Variants in EPB41L4B observed in about 807,000 individuals in gnomAD.
EPB41L4B encodes band 4.1-like protein 4B.
EPB41L4B carries 30 observed loss-of-function variants against 112.5 expected under a neutral mutation model. That is an observed-to-expected ratio of 0.27 (90% confidence interval 0.20 to 0.36). EPB41L4B has a LOEUF of 0.36. Ranked by LOEUF, EPB41L4B falls within the 10% of genes least tolerant of loss-of-function variation. The pLI, the probability that EPB41L4B is intolerant of heterozygous loss-of-function variation, is 1.00. For missense variants in EPB41L4B, 1,024 were observed against 1,133.3 expected (o/e 0.90, Z 1.38); for synonymous variants, 408 against 439.7 (o/e 0.93, Z 0.90).
intron 2 of EPB41L4B, among the ~76,000 whole-genome samples, chr9:109,277,230 G>C (rs938641320): frequency 2.7e-5 from 4 of 148,508 alleles, no homozygotes; most frequent in African/African-American, 1.0e-4. Context: ...TGGGGACAGA[G>C]AGAACCCTAA....
intron 2 of EPB41L4B, among the ~76,000 whole-genome samples, chr9:109,276,103 A>G (rs1244468712): frequency 6.7e-6 from 1 of 148,204 alleles, no homozygotes; most frequent in Non-Finnish European, 1.5e-5. Context: ...ATATATGTGT[A>G]TCTATATACA....
intron 1 of EPB41L4B, 24 bp downstream of exon 1, chr9:109,320,117 C>A: frequency 7.0e-7 from 1 of 1,423,100 alleles, no homozygotes. Context: ...GGTGCCAGTG[C>A]CCCAGACTGG....
At chr9:109,265,441 G>GT (rs1404786724) in intron 4 of EPB41L4B, among the ~76,000 whole-genome samples, 2 of 152,284 alleles carry the variant, frequency 1.3e-5, no homozygotes, top group African/African-American at 4.8e-5. Flanking sequence ...GCGGTGGATT[G>GT]TAACAAAAAG....
intron 14 of EPB41L4B, among the ~76,000 whole-genome samples, chr9:109,244,468 C>T (rs1214306217): frequency 7.7e-4 from 73 of 94,360 alleles, no homozygotes; most frequent in Non-Finnish European, 1.1e-3. Flanking sequence ...TTTTTTTTTA[C>T]AGAGTCTCAC....
intron 2 of EPB41L4B, among the ~76,000 whole-genome samples, 186 bp downstream of exon 2, chr9:109,279,631 G>A (rs952824028): frequency 5.3e-5 from 8 of 152,170 alleles, no homozygotes; most frequent in Non-Finnish European, 1.2e-4. Flanking sequence ...CACCTCAAGG[G>A]TGAGGCATCC....
rs117795174 is a variant in EPB41L4B at position 109,266,933 on chromosome 9, C to T, written c.533+540G>A. Among the ~76,000 whole-genome samples the T allele has an allele frequency of 7.3e-3, 977 of 133,636 alleles. 18 individuals carry two copies. In the East Asian group the frequency reaches 0.1, roughly 14 times the overall value. 87.7% of individuals were successfully genotyped at this position (133,636 alleles called of 152,430 possible). ...GCAGTGACCCAAGATCATGCCACTG[C>T]ACTCCAACCTAGGCAACACAGCAAG... is the stretch of plus-strand genomic sequence containing the variant. On this transcript the variant is annotated intron_variant, in intron 4 of 25. Transcript: ENST00000374566.
At chr9:109,281,714 AAATAAATAAATTAATTAATT>A (rs1356583348) in intron 1 of EPB41L4B, among the ~76,000 whole-genome samples, 1 of 124,806 alleles carries the variant, frequency 8.0e-6, no homozygotes, top group South Asian at 2.7e-4. Flanking sequence ...ATAAATAAAT[AAATAAATAAATTAATTAATT>A]AATTTTAAAA....
At chr9:109,222,935 G>A (rs1833638004) in intron 15 of EPB41L4B, among the ~76,000 whole-genome samples, 1 of 152,086 alleles carries the variant, frequency 6.6e-6, no homozygotes. Context: ...TTTTCTCAGG[G>A]GAAGACCCAG....
At chr9:109,224,478 C>T (rs900975093) in intron 15 of EPB41L4B, among the ~76,000 whole-genome samples, 1 of 152,072 alleles carries the variant, frequency 6.6e-6, no homozygotes, top group Non-Finnish European at 1.5e-5. Flanking sequence ...TTATATAAAA[C>T]ATCTAGAATA....
intron 18 of EPB41L4B, among the ~76,000 whole-genome samples, chr9:109,205,031 T>C (rs1832949685): frequency 6.6e-6 from 1 of 152,326 alleles, no homozygotes; most frequent in South Asian, 2.1e-4. Context: ...GTTCTACAGA[T>C]AACAGTAGGA....
At chr9:109,228,628 G>C (rs1833860322) in intron 15 of EPB41L4B, among the ~76,000 whole-genome samples, 1 of 152,062 alleles carries the variant, frequency 6.6e-6, no homozygotes, top group African/African-American at 2.4e-5. Flanking sequence ...TAGCTTCCTT[G>C]TTGAAAAAGA....
At chr9:109,206,152 T>A (rs1832985470) in intron 18 of EPB41L4B, among the ~76,000 whole-genome samples, 1 of 152,170 alleles carries the variant, frequency 6.6e-6, no homozygotes, top group Non-Finnish European at 1.5e-5. Flanking sequence ...TTTTTAAAAT[T>A]TATTTCTTAT....
chr9:109,234,602 C>G (rs1464893268), intron 15 of EPB41L4B, among the ~76,000 whole-genome samples: 1 of 152,200 alleles, frequency 6.6e-6, no homozygotes, highest in Non-Finnish European at 1.5e-5. Context: ...CAGTAGCTCT[C>G]CCCTGTAAAC....
chr9:109,208,355 A>G (rs1000883861), intron 17 of EPB41L4B, among the ~76,000 whole-genome samples: 3 of 152,204 alleles, frequency 2.0e-5, no homozygotes, highest in African/African-American at 7.2e-5. Flanking sequence ...TCCTGGTTCA[A>G]GTCTCCTAAC....
intron 20 of EPB41L4B, among the ~76,000 whole-genome samples, chr9:109,198,265 C>T (rs1564259294): frequency 6.6e-6 from 1 of 152,104 alleles, no homozygotes; most frequent in Non-Finnish European, 1.5e-5. Context: ...CTCTGGGTAC[C>T]CCCTAAACTC....
At chr9:109,264,091 T>C (rs1049220190) in intron 5 of EPB41L4B, among the ~76,000 whole-genome samples, 1 of 151,986 alleles carries the variant, frequency 6.6e-6, no homozygotes, top group Admixed American at 6.6e-5. Flanking sequence ...CACACACTCA[T>C]AATACACACA....
chr9:109,314,564 G>C (rs1292493244), intron 1 of EPB41L4B, among the ~76,000 whole-genome samples: 1 of 151,534 alleles, frequency 6.6e-6, no homozygotes, highest in Non-Finnish European at 1.5e-5. Context: ...AGCAAGTATA[G>C]AAGGGGAGTT....
chr9:109,227,121 A>G (rs1435112253), intron 15 of EPB41L4B, among the ~76,000 whole-genome samples: 1 of 152,122 alleles, frequency 6.6e-6, no homozygotes, highest in Non-Finnish European at 1.5e-5. Flanking sequence ...TACAGGCATG[A>G]GCCTCTGTGC....
intron 1 of EPB41L4B, among the ~76,000 whole-genome samples, chr9:109,309,056 C>G (rs969148676): frequency 7.9e-5 from 12 of 151,512 alleles, no homozygotes; most frequent in Admixed American, 7.9e-4. Context: ...GCCTAGGTGA[C>G]GAAGCGAGAT....
Sources: allele counts gnomAD v4.1 joint callset (sites outside exome capture counted in the v4.1 genomes callset), GRCh38; gene constraint gnomAD v4.1.1; transcripts MANE v1.5; gene names NCBI Gene and HGNC (gene_info 2026-07-23, HGNC 2026-07-21).